The following SH3RF1 variants were observed in gnomAD, a reference collection of about 807,000 sequenced individuals.
The protein encoded by SH3RF1 is SH3 domain containing ring finger 1, also known as E3 ubiquitin-protein ligase SH3RF1.
A neutral mutation model predicts 74.0 loss-of-function variants in SH3RF1; 32 were observed. That is an observed-to-expected ratio of 0.43 (90% CI 0.33 to 0.58). SH3RF1 has a LOEUF of 0.58. Among genes scored for constraint, SH3RF1 ranks in the 20% least tolerant of loss-of-function variants. SH3RF1 has a pLI of 0.05. For missense variants in SH3RF1, 954 were observed against 1,130.9 expected (o/e 0.84, Z 2.24); for synonymous variants, 396 against 439.6 (o/e 0.90, Z 1.24).
chr4:169,144,972 T>A (rs905249784), intron 4 of SH3RF1, among the ~76,000 whole-genome samples: 1 of 152,012 alleles, frequency 6.6e-6, no homozygotes, highest in African/African-American at 2.4e-5. Flanking sequence ...CAAGAAGACC[T>A]TGCAAAGTTT....
rs567190676 is a variant in SH3RF1, at chr4:169,242,443, C to T, written c.393+26377G>A. Among the ~76,000 whole-genome samples, 12 of 152,296 alleles carry T rather than the reference C, an allele frequency of 7.9e-5. No homozygotes were observed. In the South Asian group the frequency reaches 2.5e-3, roughly 32 times the overall value. The stretch of plus-strand genomic sequence containing the variant: ...TATGTCCTAATAGCTAAGATTTGCA[C>T]TTACATTTTGGATGTATTTTTCTTC... On this transcript the variant is annotated intron_variant, in intron 2 of 11. Coordinates refer to ENST00000284637, the MANE Select transcript of SH3RF1 (RefSeq NM_020870.4).
At chr4:169,238,492 C>A (rs1039243229) in intron 2 of SH3RF1, among the ~76,000 whole-genome samples, 1 of 152,202 alleles carries the variant, frequency 6.6e-6, no homozygotes, top group Non-Finnish European at 1.5e-5. Context: ...TCTTATACAT[C>A]TTGTCCTGAT....
chr4:169,111,928 C>T (rs1438690464), intron 10 of SH3RF1, among the ~76,000 whole-genome samples: 1 of 152,208 alleles, frequency 6.6e-6, no homozygotes, highest in Non-Finnish European at 1.5e-5. Context: ...ATCCCTGAGA[C>T]TTTGCACAAC....
intron 2 of SH3RF1, among the ~76,000 whole-genome samples, chr4:169,185,394 C>T (rs1317269336): frequency 6.6e-6 from 1 of 152,188 alleles, no homozygotes; most frequent in Non-Finnish European, 1.5e-5. Context: ...TGCAAGTGAG[C>T]TGCAGTCTGA....
chr4:169,233,409 A>C (rs1414416886), intron 2 of SH3RF1, among the ~76,000 whole-genome samples: 3 of 152,206 alleles, frequency 2.0e-5, no homozygotes, highest in African/African-American at 7.2e-5. Flanking sequence ...GAATAAAATA[A>C]TTTAAAACTA....
intron 2 of SH3RF1, among the ~76,000 whole-genome samples, chr4:169,173,285 T>C (rs1734362714): frequency 1.3e-5 from 2 of 152,134 alleles, no homozygotes; most frequent in Admixed American, 1.3e-4. Context: ...CATTCCTGAT[T>C]AAGATATTCA....
intron 6 of SH3RF1, among the ~76,000 whole-genome samples, chr4:169,124,978 ATACACTCTCTAC>A (rs146178713): frequency 0.046 from 7,011 of 152,238 alleles, 545 homozygotes; most frequent in African/African-American, 0.16. Flanking sequence ...GAGGCCAAGT[ATACACTCTCTAC>A]TACAGGCAAA....
chr4:169,148,614 G>A (rs1231661109), intron 4 of SH3RF1, among the ~76,000 whole-genome samples: 1 of 152,052 alleles, frequency 6.6e-6, no homozygotes, highest in Non-Finnish European at 1.5e-5. Flanking sequence ...AAGAAACACA[G>A]GAAAATAATA....
chr4:169,132,276 T>C lies in SH3RF1; in HGVS notation c.1069-2120A>G, dbSNP rs147175661. Among the ~76,000 whole-genome samples the C allele has an allele frequency of 4.3e-4, 66 of 152,284 alleles. No homozygotes were observed. In the East Asian group the frequency reaches 0.011, roughly 26 times the overall value. The stretch of plus-strand genomic sequence containing the variant: ...AAAGATATCATTATTGATTGACATT[T>C]CTCTAAAAGCCCAGAGTGGGAGACA... On this transcript the variant is annotated intron_variant, in intron 5 of 11. Transcript: ENST00000284637.
At chr4:169,219,062 CT>C (rs1730519812) in intron 2 of SH3RF1, among the ~76,000 whole-genome samples, 1 of 152,152 alleles carries the variant, frequency 6.6e-6, no homozygotes, top group African/African-American at 2.4e-5. Flanking sequence ...ATAACCCTTT[CT>C]TACATAACAG....
At chr4:169,120,791 A>G (rs1733424017) in intron 8 of SH3RF1, 28 bp downstream of exon 8, 2 of 1,611,794 alleles carry the variant, frequency 1.2e-6, no homozygotes, top group East Asian at 2.2e-5. Flanking sequence ...TGTTTAGAAC[A>G]TAGTAAACAA....
At chr4:169,190,498 T>C (rs1463160652) in intron 2 of SH3RF1, among the ~76,000 whole-genome samples, 1 of 151,640 alleles carries the variant, frequency 6.6e-6, no homozygotes, top group Admixed American at 6.6e-5. Context: ...TCTAGAGAGA[T>C]ACAACCCTCC....
intron 2 of SH3RF1, among the ~76,000 whole-genome samples, chr4:169,180,663 A>C (rs1734494935): frequency 6.6e-6 from 1 of 152,166 alleles, no homozygotes; most frequent in Non-Finnish European, 1.5e-5. Flanking sequence ...TGCCTACTTA[A>C]GTAAATAATA....
chr4:169,246,421 A>G (rs1279611950), intron 2 of SH3RF1, among the ~76,000 whole-genome samples: 1 of 152,126 alleles, frequency 6.6e-6, no homozygotes, highest in African/African-American at 2.4e-5. Context: ...AGTATGTGCA[A>G]CCCCGCTCAT....
chr4:169,217,877 T>C (rs1302299125), intron 2 of SH3RF1, among the ~76,000 whole-genome samples: 1 of 152,134 alleles, frequency 6.6e-6, no homozygotes, highest in Non-Finnish European at 1.5e-5. Context: ...AAAAGTTTAA[T>C]GAGGGAAAAA....
chr4:169,153,101 G>C lies in SH3RF1; in HGVS notation c.765+2379C>G, dbSNP rs77821404. Among the ~76,000 whole-genome samples the C allele has an allele frequency of 4.3e-3, 655 of 152,234 alleles. 6 individuals carry two copies. Among genetic ancestry groups the C allele is most frequent in the African/African-American group, 0.015 (628 of 41,542 alleles). ...TTGGGCATATCCATTACCTAAGTCGGCCAGCAGGAGTCGAGGGGGAGTTTC... is the reference window on the plus strand; with the variant it reads ...TTGGGCATATCCATTACCTAAGTCGCCCAGCAGGAGTCGAGGGGGAGTTTC... On this transcript the variant is annotated intron_variant, in intron 4 of 11. Transcript: ENST00000284637.
intron 2 of SH3RF1, among the ~76,000 whole-genome samples, chr4:169,168,793 A>C (rs1734283686): frequency 6.6e-6 from 1 of 152,266 alleles, no homozygotes; most frequent in African/African-American, 2.4e-5. Context: ...TTTCTTTGGC[A>C]ATCAAATCAT....
intron 11 of SH3RF1, among the ~76,000 whole-genome samples, chr4:169,105,532 A>T (rs1274620196): frequency 7.2e-5 from 11 of 152,250 alleles, no homozygotes; most frequent in Non-Finnish European, 1.6e-4. Flanking sequence ...GAATCAAGTC[A>T]CTTGGTCAGG....
chr4:169,153,057 T>C (rs1265011909), intron 4 of SH3RF1, among the ~76,000 whole-genome samples: 1 of 152,230 alleles, frequency 6.6e-6, no homozygotes, highest in Non-Finnish European at 1.5e-5. Context: ...GTGCAGACTT[T>C]CTGCCCTAGG....
Sources: gnomAD v4.1 joint callset for allele counts (sites outside exome capture counted in the v4.1 genomes callset) on GRCh38, gnomAD v4.1.1 for gene constraint, MANE v1.5 for transcripts, NCBI Gene and HGNC (gene_info 2026-07-23, HGNC 2026-07-21) for gene names.